KAT6B: variants seen among roughly 807,000 people sequenced by gnomAD.
KAT6B encodes the protein histone acetyltransferase KAT6B.
In KAT6B, 10 loss-of-function variants were observed where a neutral mutation model predicts 187.5. That is an observed-to-expected ratio of 0.05 (90% CI 0.03 to 0.09). KAT6B has a LOEUF of 0.09. KAT6B is among the 10% of genes least tolerant of loss of function. KAT6B has a pLI of 1.00. For missense variants in KAT6B, 1,952 were observed against 2,558.9 expected, an observed-to-expected ratio of 0.76 and a Z score of 5.12; for synonymous variants, 861 against 926.8, an observed-to-expected ratio of 0.93 and a Z score of 1.29.
intron 3 of KAT6B, among the ~76,000 whole-genome samples, chr10:74,925,022 C>T (rs181411059): frequency 1.4e-4 from 22 of 152,106 alleles, no homozygotes; most frequent in African/African-American, 5.3e-4. Context: ...GTCTCTGTAT[C>T]CAAACCAAAA....
intron 13 of KAT6B, among the ~76,000 whole-genome samples, chr10:74,995,567 A>AT (rs1480444335): frequency 6.6e-6 from 1 of 151,846 alleles, no homozygotes; most frequent in Admixed American, 6.6e-5. Context: ...CATTTTTCTA[A>AT]TTTCTCCTCC....
intron 3 of KAT6B, among the ~76,000 whole-genome samples, chr10:74,932,642 A>T (rs1288851811): frequency 6.6e-6 from 1 of 152,202 alleles, no homozygotes; most frequent in Non-Finnish European, 1.5e-5. Context: ...AAATGAGGGA[A>T]TGGGGGGCCA....
intron 13 of KAT6B, among the ~76,000 whole-genome samples, chr10:74,994,525 G>A (rs1843299346): frequency 6.6e-6 from 1 of 152,124 alleles, no homozygotes; most frequent in African/African-American, 2.4e-5. Context: ...GCTCATGCCT[G>A]TAATCCCAGC....
Position 75,030,265 on chromosome 10 carries a change from C to A in KAT6B, c.5441C>A (p.Thr1814Asn). ...GAGHYPQPSA[T>N]FSLAKLQQLT... is the part of the protein sequence containing the mutation. ...GGGCATTACCCGCAGCCGTCAGCCACCTTCAGCCTTGCCAAACTGCAGCAG... is the reference window on the plus strand; with the variant it reads ...GGGCATTACCCGCAGCCGTCAGCCAACTTCAGCCTTGCCAAACTGCAGCAG... The change falls in exon 18 of 18, where the codon ACC (threonine) becomes AAC (asparagine). Residue 1814 changes from threonine (T) to asparagine (N), a missense_variant. By Grantham distance (65) the Thr-to-Asn change is moderately conservative. This residue lies in a region of KAT6B where 358 missense variants were observed against 436.3 expected (regional missense o/e 0.82). Transcript: ENST00000287239. The surrounding 1 kb of genome is among the most constrained non-coding windows in gnomAD (Gnocchi z 4.8). 1 of 1,614,224 alleles carries A rather than the reference C, an allele frequency of 6.2e-7. No individual in the cohort carries two copies. The highest frequency in any genetic ancestry group is 8.5e-7 in the Non-Finnish European group (1 of 1,180,026).
At chr10:74,893,219 A>G (rs1399769522) in intron 3 of KAT6B, among the ~76,000 whole-genome samples, 2 of 152,162 alleles carry the variant, frequency 1.3e-5, no homozygotes, top group Admixed American at 6.5e-5. Flanking sequence ...GGTGGAAGAT[A>G]TTTTACAGGC....
Position 75,029,293 on chromosome 10 carries a change from A to C in KAT6B, c.4469A>C (p.Lys1490Thr). 5 of 1,614,154 alleles carry C rather than the reference A, an allele frequency of 3.1e-6. No homozygotes were observed. Among genetic ancestry groups the C allele is most frequent in the Non-Finnish European group, 4.2e-6 (5 of 1,180,026 alleles). ...DLTASCNSEP[K>T]ELAGDPEAVP... ...ACAGCTTCTTGTAACAGTGAGCCCAAGGAGCTTGCTGGGGACCCTGAAGCT... is the reference window on the plus strand; with the variant it reads ...ACAGCTTCTTGTAACAGTGAGCCCACGGAGCTTGCTGGGGACCCTGAAGCT... Residue 1490 changes from lysine to threonine, a missense_variant, in exon 18 of 18, where the codon AAG becomes ACG. Lys to Thr is a moderately conservative substitution (Grantham distance 78). Coordinates refer to ENST00000287239, the MANE Select transcript of KAT6B (RefSeq NM_012330.4). The surrounding 1 kb of genome is among the most constrained non-coding windows in gnomAD (Gnocchi z 6.2).
chr10:74,834,277 A>C (rs1589437185), intron 1 of KAT6B, among the ~76,000 whole-genome samples: 1 of 149,826 alleles, frequency 6.7e-6, no homozygotes, highest in East Asian at 2.0e-4. Flanking sequence ...GGCTCACTGC[A>C]TCCACCACCT....
chr10:74,832,193 A>T (rs567351727), intron 1 of KAT6B, among the ~76,000 whole-genome samples: 1 of 152,352 alleles, frequency 6.6e-6, no homozygotes, highest in East Asian at 1.9e-4. Context: ...TAGAGCTATA[A>T]TATTTATGAA....
intron 15 of KAT6B, among the ~76,000 whole-genome samples, chr10:75,021,655 AT>A (rs1845413435): frequency 6.6e-6 from 1 of 152,328 alleles, no homozygotes; most frequent in Non-Finnish European, 1.5e-5. Flanking sequence ...ACTCAAATCA[AT>A]TCGCTGCATC....
In KAT6B at chr10:75,020,616, G is replaced by T; in HGVS notation, c.2664G>T (p.Gly888=). Residue 888 remains glycine, a synonymous_variant, in exon 14 of 18, where the codon GGG becomes GGT. Coordinates refer to ENST00000287239, the MANE Select transcript of KAT6B (RefSeq NM_012330.4). ...YLLSRREGQA[G]SPEKPLSDLG... is the part of the protein sequence containing the mutation. Reference sequence around the variant, plus strand: ...TTTCTAGAAGAGAAGGCCAAGCAGGGTCTCCTGAAAAGCCTCTCTCCGATC... The same window carrying T: ...TTTCTAGAAGAGAAGGCCAAGCAGGTTCTCCTGAAAAGCCTCTCTCCGATC... 6.2e-7 allele frequency: 1 copy of T among 1,614,186 alleles called. No individual in the cohort carries two copies.
chr10:74,898,182 T>C (rs1489054502), intron 3 of KAT6B, among the ~76,000 whole-genome samples: 1 of 152,236 alleles, frequency 6.6e-6, no homozygotes, highest in Admixed American at 6.5e-5. Context: ...ACCTAGGATT[T>C]GGATCCTCAG....
intron 1 of KAT6B, among the ~76,000 whole-genome samples, chr10:74,836,286 G>A (rs940461594): frequency 2.0e-5 from 3 of 152,178 alleles, no homozygotes; most frequent in Non-Finnish European, 4.4e-5. Context: ...ATGGGTGTAC[G>A]TGTACTTATT....
chr10:75,020,900 A>T, intron 14 of KAT6B, 87 bp downstream of exon 14: 1 of 1,163,328 alleles, frequency 8.6e-7, no homozygotes, highest in Non-Finnish European at 1.3e-6. Context: ...CATTCCAGTT[A>T]AAGACTGAGG....
chr10:75,019,721 A>G (rs1845239597), intron 13 of KAT6B, among the ~76,000 whole-genome samples: 1 of 151,398 alleles, frequency 6.6e-6, no homozygotes, highest in South Asian at 2.1e-4. Context: ...GACAGCCGCC[A>G]GCTTTCATTC....
At chr10:74,894,490 A>G (rs1324333607) in intron 3 of KAT6B, among the ~76,000 whole-genome samples, 1 of 152,238 alleles carries the variant, frequency 6.6e-6, no homozygotes, top group Non-Finnish European at 1.5e-5. Flanking sequence ...TGTTAACTGT[A>G]TGCAACAGTT....
At chr10:74,826,375 G>A (rs371146654), upstream of KAT6B, among the ~76,000 whole-genome samples, 16 of 151,708 alleles carry the variant, frequency 1.1e-4, no homozygotes, top group East Asian at 2.9e-3. Flanking sequence ...ACCCTCCCCC[G>A]GGGTGGTGCC....
At chr10:75,009,943 A>G (rs1317409729) in intron 13 of KAT6B, among the ~76,000 whole-genome samples, 1 of 152,164 alleles carries the variant, frequency 6.6e-6, no homozygotes, top group African/African-American at 2.4e-5. Context: ...GGTGGTTGCA[A>G]TGAGCCGAGA....
At chr10:74,860,935 C>T (rs571933071) in intron 3 of KAT6B, among the ~76,000 whole-genome samples, 50 of 152,192 alleles carry the variant, frequency 3.3e-4, no homozygotes, top group Non-Finnish European at 5.4e-4. Context: ...GTCAGGAGTT[C>T]GAGACCAGCC....
chr10:74,944,564 C>G (rs556920849), intron 3 of KAT6B, among the ~76,000 whole-genome samples: 1 of 152,208 alleles, frequency 6.6e-6, no homozygotes, highest in South Asian at 2.1e-4. Context: ...TAATCCAGCA[C>G]TTTGGGAGGT....
Sources: allele counts gnomAD v4.1 joint callset (sites outside exome capture counted in the v4.1 genomes callset), GRCh38; gene constraint gnomAD v4.1.1; regional missense constraint gnomAD v4.1.1; non-coding constraint Gnocchi (gnomAD v3.1); transcripts MANE v1.5; gene names NCBI Gene and HGNC (gene_info 2026-07-23, HGNC 2026-07-21).